The following SLC25A37 variants were observed in gnomAD, a reference collection of about 807,000 sequenced individuals.
SLC25A37 encodes the protein mitoferrin-1.
Under a neutral mutation model 31.0 loss-of-function variants are expected in SLC25A37, and 17 were observed. That is an observed-to-expected ratio of 0.55 (90% confidence interval 0.38 to 0.82). The LOEUF is 0.82. Ranked by LOEUF, SLC25A37 falls within the 40% of genes least tolerant of loss-of-function variation. The probability of loss-of-function intolerance (pLI) is 0.00; values close to 1 mark genes in which losing one functional copy is unlikely to be tolerated. For missense variants in SLC25A37, 404 were observed against 465.8 expected (o/e 0.87, Z 1.22); for synonymous variants, 222 against 193.0 (o/e 1.15, Z -1.24).
intron 1 of SLC25A37, among the ~76,000 whole-genome samples, chr8:23,564,823 ATCTG>A (rs560663383): frequency 1.6e-4 from 25 of 151,666 alleles, no homozygotes; most frequent in East Asian, 7.7e-4. Flanking sequence ...CTCTATCTAT[ATCTG>A]TCTGTCTGTC....
At chr8:23,561,619 C>T (rs1802517627) in intron 1 of SLC25A37, among the ~76,000 whole-genome samples, 1 of 152,212 alleles carries the variant, frequency 6.6e-6, no homozygotes, top group Admixed American at 6.5e-5. Context: ...AGCCTGGGCA[C>T]TCTCTGTGCC....
At position 23,571,400 on chromosome 8, in the gene SLC25A37, G is replaced by A; in HGVS notation, c.562G>A (p.Val188Met). 6.2e-7 allele frequency: 1 copy of A among 1,613,692 alleles called. No individual in the cohort carries two copies. The highest frequency in any genetic ancestry group is 8.5e-7 in the Non-Finnish European group (1 of 1,179,708). Reference sequence around the variant, plus strand: ...GTCAGCAATCAGCTGCATCCGGACGGTGTGGAGGACCGAGGGGTTGGGGGC... The same window carrying A: ...GTCAGCAATCAGCTGCATCCGGACGATGTGGAGGACCGAGGGGTTGGGGGC... ...HRSAISCIRTVWRTEGLGAFY... is the reference protein window; with the variant it reads ...HRSAISCIRTMWRTEGLGAFY... The change falls in exon 4 of 4, where the codon GTG becomes ATG. Residue 188 changes from valine (V) to methionine (M), a missense_variant. This residue lies in a region of SLC25A37 where 243 missense variants were observed against 284.4 expected (regional missense o/e 0.85). Coordinates refer to ENST00000519973, the MANE Select transcript of SLC25A37 (RefSeq NM_016612.4).
In SLC25A37 at chr8:23,571,570, C is replaced by G; in HGVS notation, c.732C>G (p.Ala244=). Residue 244 remains alanine, a synonymous_variant, in exon 4 of 4, where the codon GCC becomes GCG. Transcript: ENST00000519973. ...PQSHIISGGL[A]GALAAAATTP... is the part of the protein sequence containing the mutation. The stretch of plus-strand genomic sequence containing the variant: ...CCCACATCATCTCAGGCGGGCTGGC[C>G]GGGGCCCTCGCCGCGGCCGCCACGA... 1.2e-6 allele frequency: 2 copies of G among 1,613,584 alleles called. No individual in the cohort carries two copies. Among genetic ancestry groups the G allele is most frequent in the South Asian group, 1.1e-5 (1 of 91,038 alleles).
chr8:23,565,477 C>A (rs533811182), intron 1 of SLC25A37, among the ~76,000 whole-genome samples: 1 of 127,238 alleles, frequency 7.9e-6, no homozygotes, highest in South Asian at 2.7e-4. Flanking sequence ...TCTTAACAAA[C>A]TTGCTTTTAC....
At chr8:23,553,603 G>C (rs1802286550) in intron 1 of SLC25A37, among the ~76,000 whole-genome samples, 2 of 152,204 alleles carry the variant, frequency 1.3e-5, no homozygotes, top group African/African-American at 4.8e-5. Context: ...AAAGCACCGT[G>C]ACTGTTGGAA....
At chr8:23,542,136 C>G (rs1205543946) in intron 1 of SLC25A37, among the ~76,000 whole-genome samples, 1 of 152,146 alleles carries the variant, frequency 6.6e-6, no homozygotes, top group Non-Finnish European at 1.5e-5. Flanking sequence ...TGTGATGAGA[C>G]AGTGATCCCA....
chr8:23,552,815 G>A (rs1585189581), intron 1 of SLC25A37, among the ~76,000 whole-genome samples: 2 of 152,200 alleles, frequency 1.3e-5, no homozygotes, highest in African/African-American at 4.8e-5. Flanking sequence ...GCCCGGGCAA[G>A]TCTAACTGTT....
At chr8:23,546,537 A>AGG (rs1349391803) in intron 1 of SLC25A37, among the ~76,000 whole-genome samples, 39 of 23,408 alleles carry the variant, frequency 1.7e-3, no homozygotes, top group South Asian at 3.6e-3. Context: ...AGGTGTATAT[A>AGG]TATATATATA....
chr8:23,534,273 G>A (rs1044560553), intron 1 of SLC25A37, among the ~76,000 whole-genome samples: 5 of 151,988 alleles, frequency 3.3e-5, no homozygotes, highest in Non-Finnish European at 7.4e-5. Context: ...TGTTGAACTG[G>A]AAACCTTCCC....
At chr8:23,537,719 G>GT (rs1406339841) in intron 1 of SLC25A37, among the ~76,000 whole-genome samples, 2 of 152,230 alleles carry the variant, frequency 1.3e-5, no homozygotes, top group East Asian at 3.8e-4. Flanking sequence ...AGGTCATGGT[G>GT]TTTTTTGTCA....
intron 1 of SLC25A37, among the ~76,000 whole-genome samples, chr8:23,548,762 G>A (rs532571761): frequency 1.3e-5 from 2 of 152,170 alleles, no homozygotes; most frequent in African/African-American, 2.4e-5. Flanking sequence ...GAGTCACTGC[G>A]CCTGGCCAAA....
intron 1 of SLC25A37, among the ~76,000 whole-genome samples, chr8:23,565,489 TAAA>T (rs34506562): frequency 2.7e-5 from 4 of 147,586 alleles, no homozygotes; most frequent in Non-Finnish European, 4.5e-5. Flanking sequence ...TGCTTTTACT[TAAA>T]AAAAAAAAAA....
intron 1 of SLC25A37, among the ~76,000 whole-genome samples, chr8:23,540,880 C>G (rs988658323): frequency 1.3e-5 from 2 of 152,116 alleles, no homozygotes; most frequent in African/African-American, 4.8e-5. Context: ...CAGGGAACAC[C>G]GCTTTAAAAG....
chr8:23,564,834 T>C (rs1489810458), intron 1 of SLC25A37, among the ~76,000 whole-genome samples: 1 of 152,014 alleles, frequency 6.6e-6, no homozygotes, highest in Non-Finnish European at 1.5e-5. Context: ...TCTGTCTGTC[T>C]GTCTGTCTGT....
chr8:23,534,733 G>A (rs1004841909), intron 1 of SLC25A37, among the ~76,000 whole-genome samples: 1 of 152,192 alleles, frequency 6.6e-6, no homozygotes, highest in Non-Finnish European at 1.5e-5. Context: ...GTAAAAAGAA[G>A]AAGAGATGGT....
chr8:23,560,582 G>A (rs1802489904), intron 1 of SLC25A37, among the ~76,000 whole-genome samples: 1 of 152,244 alleles, frequency 6.6e-6, no homozygotes, highest in African/African-American at 2.4e-5. Flanking sequence ...GATGAATGAG[G>A]CTCTGGCCCC....
Position 23,571,412 on chromosome 8 carries a change from G to C in SLC25A37, c.574G>C (p.Glu192Gln), listed in dbSNP as rs771005691. Residue 192 changes from glutamate to glutamine, a missense_variant, in exon 4 of 4, where the codon GAG becomes CAG. By Grantham distance (29) the Glu-to-Gln change is conservative. Coordinates refer to ENST00000519973, the MANE Select transcript of SLC25A37 (RefSeq NM_016612.4). ...ISCIRTVWRT[E>Q]GLGAFYRSYT... ...CTGCATCCGGACGGTGTGGAGGACC[G>C]AGGGGTTGGGGGCCTTCTACCGGAG... 1 of 1,613,744 alleles carries C rather than the reference G, an allele frequency of 6.2e-7. No homozygotes were observed. The highest frequency in any genetic ancestry group is 8.5e-7 in the Non-Finnish European group (1 of 1,179,786).
intron 1 of SLC25A37, among the ~76,000 whole-genome samples, chr8:23,560,421 C>G (rs1277662206): frequency 6.6e-6 from 1 of 152,228 alleles, no homozygotes; most frequent in East Asian, 1.9e-4. Context: ...CTCTTCCTTA[C>G]ACTCCTTCGA....
intron 1 of SLC25A37, among the ~76,000 whole-genome samples, chr8:23,536,304 C>A (rs2978484): frequency 0.85 from 129,832 of 152,062 alleles, 55,968 homozygotes; most frequent in East Asian, 0.95. Flanking sequence ...TAAAACAACA[C>A]ATGTTCTGAA....
Sources: allele counts gnomAD v4.1 joint callset (sites outside exome capture counted in the v4.1 genomes callset), GRCh38; gene constraint gnomAD v4.1.1; regional missense constraint gnomAD v4.1.1; transcripts MANE v1.5; gene names NCBI Gene and HGNC (gene_info 2026-07-23, HGNC 2026-07-21).